TMEM117: variants seen among roughly 807,000 people sequenced by gnomAD.
The protein encoded by TMEM117 is transmembrane protein 117.
In TMEM117, 27 loss-of-function variants were observed where a neutral mutation model predicts 52.4. The ratio of observed to expected loss-of-function variants is 0.51; its 90% CI spans 0.38 to 0.71. The LOEUF (loss-of-function observed/expected upper bound fraction) is 0.71, where lower values mean the gene tolerates loss of function less well. TMEM117 is among the 30% of genes least tolerant of loss of function. The pLI is 0.00. For missense variants in TMEM117, 556 were observed against 630.5 expected, an observed-to-expected ratio of 0.88 and a Z score of 1.26; for synonymous variants, 215 against 206.3, an observed-to-expected ratio of 1.04 and a Z score of -0.36.
chr12:43,960,490 C>T (rs1007516284), intron 3 of TMEM117, among the ~76,000 whole-genome samples: 11 of 152,130 alleles, frequency 7.2e-5, no homozygotes, highest in African/African-American at 2.7e-4. Flanking sequence ...CAAATTATCA[C>T]GAGTTTAGTT....
At chr12:44,104,740 G>T (rs1203301243) in intron 3 of TMEM117, among the ~76,000 whole-genome samples, 1 of 151,836 alleles carries the variant, frequency 6.6e-6, no homozygotes, top group Admixed American at 6.6e-5. Flanking sequence ...GAATAACTTT[G>T]CAGGGTACAG....
chr12:43,969,476 C>T (rs1179829295), intron 3 of TMEM117, among the ~76,000 whole-genome samples: 7 of 150,904 alleles, frequency 4.6e-5, no homozygotes, highest in African/African-American at 9.8e-5. Flanking sequence ...GAGCCAAGAT[C>T]GCACCACTGC....
At chr12:44,266,175 T>C (rs1241424370) in intron 5 of TMEM117, among the ~76,000 whole-genome samples, 4 of 152,146 alleles carry the variant, frequency 2.6e-5, no homozygotes, top group Non-Finnish European at 5.9e-5. Flanking sequence ...CTGGGTAATA[T>C]AGTAACATTT....
At chr12:44,313,377 ATTGC>A (rs1355944226) in intron 6 of TMEM117, among the ~76,000 whole-genome samples, 1 of 152,030 alleles carries the variant, frequency 6.6e-6, no homozygotes, top group Non-Finnish European at 1.5e-5. Flanking sequence ...TTCTTTCCTT[ATTGC>A]TTATTTTTGT....
downstream of TMEM117, among the ~76,000 whole-genome samples, chr12:44,389,983 T>C (rs999955211): frequency 3.9e-5 from 6 of 152,094 alleles, no homozygotes; most frequent in Non-Finnish European, 8.8e-5. Flanking sequence ...GCTGCATTTT[T>C]TCTTTATGAT....
chr12:43,806,321 G>T, the TMEM117 span: 21 of 1,344,822 alleles, frequency 1.6e-5, no homozygotes, highest in Non-Finnish European at 2.0e-5. Flanking sequence ...GGAAGTGGCT[G>T]CTCCTCCGCC....
At chr12:44,156,062 A>T (rs1371719172) in intron 4 of TMEM117, among the ~76,000 whole-genome samples, 1 of 152,092 alleles carries the variant, frequency 6.6e-6, no homozygotes, top group Non-Finnish European at 1.5e-5. Flanking sequence ...GAATCTTTGT[A>T]CTGCTTAGCA....
chr12:44,308,489 C>A (rs748354403), intron 6 of TMEM117, among the ~76,000 whole-genome samples: 13 of 152,172 alleles, frequency 8.5e-5, no homozygotes, highest in Admixed American at 1.3e-4. Flanking sequence ...TGAAGACTGA[C>A]ACATTCAGCC....
At chr12:44,356,870 T>A (rs916618707) in intron 6 of TMEM117, among the ~76,000 whole-genome samples, 15 of 152,158 alleles carry the variant, frequency 9.9e-5, no homozygotes, top group African/African-American at 3.6e-4. Context: ...GTCAATACTC[T>A]ACCTTCGTTG....
intron 3 of TMEM117, among the ~76,000 whole-genome samples, chr12:44,105,686 C>G (rs1346035528): frequency 6.6e-6 from 1 of 152,002 alleles, no homozygotes; most frequent in Non-Finnish European, 1.5e-5. Flanking sequence ...CCTTCACCAA[C>G]CTCCTGGCCC....
chr12:43,871,093 G>GTT (rs1180740349), intron 2 of TMEM117, among the ~76,000 whole-genome samples: 1 of 146,696 alleles, frequency 6.8e-6, no homozygotes, highest in African/African-American at 2.6e-5. Context: ...CCTTCTTTTT[G>GTT]TTTTTTTTTT....
chr12:43,900,724 A>AG (rs1305057313), intron 2 of TMEM117, among the ~76,000 whole-genome samples: 1 of 151,740 alleles, frequency 6.6e-6, no homozygotes. Context: ...TCTCAAAAAA[A>AG]AAAAAAATTA....
chr12:44,295,622 A>T (rs1950758261), intron 5 of TMEM117, among the ~76,000 whole-genome samples: 1 of 150,020 alleles, frequency 6.7e-6, no homozygotes, highest in Non-Finnish European at 1.5e-5. Context: ...ATGATATTGT[A>T]GCTCTCTTTT....
chr12:43,894,606 G>A (rs754849271), intron 2 of TMEM117, among the ~76,000 whole-genome samples: 1 of 151,790 alleles, frequency 6.6e-6, no homozygotes, highest in Non-Finnish European at 1.5e-5. Flanking sequence ...GTGTAAGTCT[G>A]TGTGTTCTCA....
At chr12:43,999,486 TTTTG>T (rs1946082759) in intron 3 of TMEM117, among the ~76,000 whole-genome samples, 1 of 152,086 alleles carries the variant, frequency 6.6e-6, no homozygotes, top group Non-Finnish European at 1.5e-5. Flanking sequence ...TGCAGATGGT[TTTTG>T]TTTGTTTGAG....
At chr12:44,040,111 A>C (rs1472320578) in intron 3 of TMEM117, among the ~76,000 whole-genome samples, 1 of 152,150 alleles carries the variant, frequency 6.6e-6, no homozygotes, top group East Asian at 1.9e-4. Context: ...ATATCAAGTT[A>C]TTGACATGAC....
intron 2 of TMEM117, among the ~76,000 whole-genome samples, chr12:43,877,622 G>A (rs1943821578): frequency 6.9e-6 from 1 of 145,718 alleles, no homozygotes; most frequent in Non-Finnish European, 1.5e-5. Flanking sequence ...GCGACATAGT[G>A]CGACTCGGTC....
At chr12:44,014,101 A>T (rs1946337032) in intron 3 of TMEM117, among the ~76,000 whole-genome samples, 1 of 152,164 alleles carries the variant, frequency 6.6e-6, no homozygotes, top group African/African-American at 2.4e-5. Context: ...AAGCCTGGGC[A>T]GTGGGAAGCC....
At chr12:43,821,813 CATT>C in the TMEM117 span, among the ~76,000 whole-genome samples, 2 of 152,138 alleles carry the variant, frequency 1.3e-5, no homozygotes, top group African/African-American at 2.4e-5. Flanking sequence ...AATATTAAAT[CATT>C]GTTTTGTTTT....
Sources: gnomAD v4.1 joint callset for allele counts (sites outside exome capture counted in the v4.1 genomes callset) on GRCh38, gnomAD v4.1.1 for gene constraint, MANE v1.5 for transcripts, NCBI Gene and HGNC (gene_info 2026-07-23, HGNC 2026-07-21) for gene names.